MRPL42: variants seen among roughly 807,000 people sequenced by gnomAD.
MRPL42 encodes the protein large ribosomal subunit protein mL42.
MRPL42 carries 17 observed loss-of-function variants against 17.9 expected under a neutral mutation model. That is an observed-to-expected ratio of 0.95 (90% CI 0.65 to 1.42). The LOEUF is 1.42. MRPL42 is among the 40% of genes most tolerant of loss of function. The probability of loss-of-function intolerance (pLI) is 0.00; values close to 1 mark genes in which losing one functional copy is unlikely to be tolerated. For missense variants in MRPL42, 177 were observed against 175.2 expected, an observed-to-expected ratio of 1.01 and a Z score of -0.06; for synonymous variants, 59 against 54.4, an observed-to-expected ratio of 1.08 and a Z score of -0.37.
At chr12:93,479,238 G>T (rs1425303331) in intron 3 of MRPL42, 150 bp from the exon 4 acceptor site, 7 of 385,928 alleles carry the variant, frequency 1.8e-5, no homozygotes, top group Non-Finnish European at 3.2e-5. Flanking sequence ...TGATTATTAG[G>T]CCGGGCACTA....
At position 93,482,266 on chromosome 12, in the gene MRPL42, G is replaced by A. The variant is rs562528472; in HGVS notation, c.219+2794G>A. Among the ~76,000 whole-genome samples the A allele has an allele frequency of 3.3e-5, 5 of 152,082 alleles. 1 individual carries two copies. Among genetic ancestry groups the A allele is most frequent in the African/African-American group, 1.2e-4 (5 of 41,462 alleles). On this transcript the variant is annotated intron_variant, in intron 4 of 5. Coordinates refer to ENST00000549982, the MANE Select transcript of MRPL42 (RefSeq NM_014050.4). ...TTTGTTATCTTGTGTGGCCTTCCTT[G>A]GCTACTGCATTTAAAGTTGTACCTC...
At chr12:93,494,290 G>T (rs1953455793) in intron 5 of MRPL42, among the ~76,000 whole-genome samples, 1 of 152,200 alleles carries the variant, frequency 6.6e-6, no homozygotes, top group Non-Finnish European at 1.5e-5. Context: ...AAAGGAAGCA[G>T]CTGGGAGACC....
intron 4 of MRPL42, among the ~76,000 whole-genome samples, chr12:93,484,979 C>CATACAT (rs1880648707): frequency 4.5e-5 from 1 of 22,462 alleles, no homozygotes; most frequent in Non-Finnish European, 1.1e-4. Flanking sequence ...CACACACACA[C>CATACAT]ATATATATAT....
chr12:93,488,299 T>A, intron 5 of MRPL42: 1 of 398,484 alleles, frequency 2.5e-6, no homozygotes, highest in Non-Finnish European at 4.4e-6. Context: ...AGGCAAGGTC[T>A]CACTCACTGT....
At chr12:93,469,977 CTCT>C (rs2121156548) in intron 2 of MRPL42, among the ~76,000 whole-genome samples, 1 of 121,188 alleles carries the variant, frequency 8.3e-6, no homozygotes, top group East Asian at 2.3e-4. Flanking sequence ...TAGTATTTCT[CTCT>C]TTTTTTTTTT....
intron 4 of MRPL42, among the ~76,000 whole-genome samples, chr12:93,482,873 A>G (rs1281839635): frequency 6.8e-6 from 1 of 147,756 alleles, no homozygotes; most frequent in Non-Finnish European, 1.5e-5. Context: ...AGCATGAGCC[A>G]CTGTACCTTG....
At chr12:93,475,762 A>G (rs1880138060) in intron 2 of MRPL42, among the ~76,000 whole-genome samples, 1 of 152,080 alleles carries the variant, frequency 6.6e-6, no homozygotes, top group Admixed American at 6.6e-5. Context: ...AGGCAGGTGG[A>G]TCACGAGGTC....
intron 3 of MRPL42, among the ~76,000 whole-genome samples, chr12:93,477,267 G>A (rs1880226986): frequency 6.6e-6 from 1 of 152,178 alleles, no homozygotes; most frequent in East Asian, 1.9e-4. Context: ...GTTTAGAACT[G>A]CTATCTTTTC....
chr12:93,489,784 A>G (rs1973381), intron 5 of MRPL42, among the ~76,000 whole-genome samples: 3 of 152,212 alleles, frequency 2.0e-5, no homozygotes, highest in Non-Finnish European at 4.4e-5. Context: ...GATCTGCCCC[A>G]CTTGGCCTCC....
At chr12:93,490,038 T>G (rs986160823) in intron 5 of MRPL42, among the ~76,000 whole-genome samples, 3 of 152,248 alleles carry the variant, frequency 2.0e-5, no homozygotes, top group African/African-American at 4.8e-5. Context: ...TTATATCACA[T>G]TATCCAGGTA....
rs1265564315 is a variant in MRPL42 at position 93,512,155 on chromosome 12, T to C, written c.*10934T>C. The stretch of plus-strand genomic sequence containing the variant: ...AGAAGCCAGTTTGGTCCCAGCTTTA[T>C]AAAGATATACATTGGGCTGGGTGCG... On this transcript the variant is annotated 3_prime_UTR_variant, in exon 6 of 6. Transcript: ENST00000549982. 2.0e-5 allele frequency: 3 copies of C among 152,202 alleles called. No individual in the cohort carries two copies. Among genetic ancestry groups the C allele is most frequent in the African/African-American group, 7.2e-5 (3 of 41,442 alleles). 9.4% of individuals were successfully genotyped at this position (152,202 alleles called of 1,614,324 possible).
intron 4 of MRPL42, among the ~76,000 whole-genome samples, chr12:93,484,973 C>CATATATATACATATATATATAT (rs1565813713): frequency 0.011 from 264 of 23,948 alleles, 62 homozygotes; most frequent in Admixed American, 0.022. Flanking sequence ...CACACACACA[C>CATATATATACATATATATATAT]ACACACATAT....
Position 93,509,349 on chromosome 12 carries a change from G to GT in MRPL42, c.*8132dup, listed in dbSNP as rs1953703116. ...ATGGATATATAGTAATAATTTGATGGTTTTAATTTGCATTTCTCTGATGAT... is the reference window on the plus strand; with the variant it reads ...ATGGATATATAGTAATAATTTGATGGTTTTTAATTTGCATTTCTCTGATGAT... On this transcript the variant is annotated 3_prime_UTR_variant, in exon 6 of 6. Coordinates refer to ENST00000549982, the MANE Select transcript of MRPL42 (RefSeq NM_014050.4). 6.6e-6 allele frequency: 1 copy of GT among 151,942 alleles called. No homozygotes were observed. Among genetic ancestry groups the GT allele is most frequent in the Non-Finnish European group, 1.5e-5 (1 of 68,004 alleles). 9.4% of individuals were successfully genotyped at this position (151,942 alleles called of 1,614,324 possible). A position where few individuals can be genotyped will look rare whatever the true frequency, so the allele number is the denominator to read the frequency against.
chr12:93,497,744 G>GA (rs34441413), intron 5 of MRPL42, among the ~76,000 whole-genome samples: 67,949 of 142,010 alleles, frequency 0.48, 16,047 homozygotes, highest in Non-Finnish European at 0.51. Context: ...AATCAGGCAA[G>GA]AAAAAAAAAA....
chr12:93,484,518 G>T (rs917888180), intron 4 of MRPL42, among the ~76,000 whole-genome samples: 11 of 148,434 alleles, frequency 7.4e-5, no homozygotes, highest in African/African-American at 2.7e-4. Context: ...ATCACTAGGT[G>T]ACAGGAATTT....
chr12:93,477,854 G>C lies in MRPL42; in HGVS notation c.134+837G>C, dbSNP rs183120437. ...ATTTTTGTATTTTTAGTAGAGATGG[G>C]GTTTCACCATGTTAGCCAGGCTGGT... On this transcript the variant is annotated intron_variant, in intron 3 of 5. Transcript: ENST00000549982. Among the ~76,000 whole-genome samples, 558 of 152,276 alleles carry C rather than the reference G, an allele frequency of 3.7e-3. 4 individuals carry two copies. Among genetic ancestry groups the C allele is most frequent in the African/African-American group, 0.013 (537 of 41,548 alleles).
At chr12:93,472,743 T>A (rs1490307712) in intron 2 of MRPL42, among the ~76,000 whole-genome samples, 2 of 152,204 alleles carry the variant, frequency 1.3e-5, no homozygotes, top group African/African-American at 2.4e-5. Flanking sequence ...AGGAATATTT[T>A]AAAATTTCCC....
chr12:93,475,123 C>CT (rs1252852407), intron 2 of MRPL42, among the ~76,000 whole-genome samples: 18 of 144,860 alleles, frequency 1.2e-4, no homozygotes, highest in South Asian at 1.1e-3. Flanking sequence ...AGTGTTTGAC[C>CT]TTTTTTTTTT....
chr12:93,480,604 C>T (rs1393179170), intron 4 of MRPL42, among the ~76,000 whole-genome samples: 3 of 149,428 alleles, frequency 2.0e-5, no homozygotes, highest in Admixed American at 6.7e-5. Flanking sequence ...TGCAATGGCG[C>T]GATCTCGGCT....
Sources: gnomAD v4.1 joint callset for allele counts (sites outside exome capture counted in the v4.1 genomes callset) on GRCh38, gnomAD v4.1.1 for gene constraint, MANE v1.5 for transcripts, NCBI Gene and HGNC (gene_info 2026-07-23, HGNC 2026-07-21) for gene names.